Variants in PRKCZ observed in about 807,000 individuals in gnomAD.
The protein encoded by PRKCZ is protein kinase C zeta, also known as protein kinase C zeta type.
PRKCZ carries 33 observed loss-of-function variants against 79.5 expected under a neutral mutation model. The observed-to-expected ratio is 0.41, with a 90% CI of 0.31 to 0.55. The LOEUF (loss-of-function observed/expected upper bound fraction) is 0.55. PRKCZ is among the 20% of genes least tolerant of loss of function. The pLI, the probability that PRKCZ is intolerant of heterozygous loss-of-function variation, is 0.19. For synonymous variants in PRKCZ, 342 were observed against 320.9 expected (o/e 1.07, Z -0.70); for missense variants, 578 against 813.5 (o/e 0.71, Z 3.52).
At position 2,050,588 on chromosome 1, in the gene PRKCZ, A is replaced by G; in HGVS notation, c.-43A>G. The G allele has an allele frequency of 6.8e-6, 8 of 1,180,092 alleles. No individual in the cohort carries two copies. Among genetic ancestry groups the G allele is most frequent in the Non-Finnish European group, 8.5e-6 (8 of 944,950 alleles). The allele number at this position is 1,180,092 out of a possible 1,614,324, so 73.1% of individuals were successfully genotyped here. ...AGCCCCCGCCCCGCGCCATGGCCGG[A>G]GCTCCCGGGGCGCAGCGCTGACGGC... On this transcript the variant is annotated 5_prime_UTR_variant, in exon 1 of 18. Transcript: ENST00000378567.
At chr1:2,133,567 C>T (rs1450323805) in intron 4 of PRKCZ, 1 of 147,912 alleles carries the variant, frequency 6.8e-6, no homozygotes, top group East Asian at 2.0e-4. Context: ...GGCTCCGCCC[C>T]GCACTGTGCG....
At chr1:2,107,127 C>T (rs1016053257) in intron 4 of PRKCZ, among the ~76,000 whole-genome samples, 1 of 152,230 alleles carries the variant, frequency 6.6e-6, no homozygotes, top group Non-Finnish European at 1.5e-5. Context: ...CGTGTTTCCT[C>T]GGGGTTCTGC....
At chr1:2,144,612 G>A in intron 6 of PRKCZ, 1 of 1,290,284 alleles carries the variant, frequency 7.8e-7, no homozygotes, top group Non-Finnish European at 9.9e-7. Flanking sequence ...CTGCTCAGTG[G>A]GTCGGAGGTA....
chr1:2,060,764 A>G (rs1208520202), intron 4 of PRKCZ, among the ~76,000 whole-genome samples: 1 of 152,086 alleles, frequency 6.6e-6, no homozygotes, highest in East Asian at 1.9e-4. Context: ...TGTCCGTGGC[A>G]GGCGGACACC....
intron 4 of PRKCZ, among the ~76,000 whole-genome samples, chr1:2,098,770 C>T (rs992368261): frequency 6.6e-6 from 1 of 152,160 alleles, no homozygotes; most frequent in Non-Finnish European, 1.5e-5. Context: ...CGAGCTCCAC[C>T]TCTCGGGTTC....
intron 3 of PRKCZ, among the ~76,000 whole-genome samples, chr1:2,057,587 C>T (rs1046209116): frequency 2.6e-5 from 4 of 152,132 alleles, no homozygotes; most frequent in East Asian, 1.9e-4. Context: ...AAGACTAGGC[C>T]GGGTGCGGTG....
Position 2,152,435 on chromosome 1 carries a change from G to C in PRKCZ, c.876+1457G>C, listed in dbSNP as rs576180863. Among the ~76,000 whole-genome samples, 341 of 152,286 alleles carry C rather than the reference G, an allele frequency of 2.2e-3. 1 individual carries two copies. Among genetic ancestry groups the C allele is most frequent in the African/African-American group, 7.8e-3 (323 of 41,550 alleles). ...CTAATCCCAGCTACTCAGAGGCTGA[G>C]ACAGGAGAATCGCTTGAACCAGGGA... On this transcript the variant is annotated intron_variant, in intron 9 of 17. Coordinates refer to ENST00000378567, the MANE Select transcript of PRKCZ (RefSeq NM_002744.6).
At chr1:2,102,546 A>T (rs1327668561) in intron 4 of PRKCZ, among the ~76,000 whole-genome samples, 1 of 151,816 alleles carries the variant, frequency 6.6e-6, no homozygotes, top group East Asian at 2.0e-4. Flanking sequence ...GTTAGCCGGG[A>T]TGGTCTCGAT....
Position 2,125,030 on chromosome 1 carries a change from C to G in PRKCZ, c.335-10232C>G, listed in dbSNP as rs1474387931. Among the ~76,000 whole-genome samples the G allele has an allele frequency of 6.6e-6, 1 of 152,228 alleles. No homozygotes were observed. Among genetic ancestry groups the G allele is most frequent in the Non-Finnish European group, 1.5e-5 (1 of 68,038 alleles). On this transcript the variant is annotated intron_variant, in intron 4 of 17. Coordinates refer to ENST00000378567, the MANE Select transcript of PRKCZ (RefSeq NM_002744.6). The surrounding 1 kb of genome is among the most constrained non-coding windows in gnomAD (Gnocchi z 4.2). ...CTCAGCCGCACGTCCTCCCAGGGGCCTTGCCAGCCTGGCTCTGTGCCGGGC... is the reference window on the plus strand; with the variant it reads ...CTCAGCCGCACGTCCTCCCAGGGGCGTTGCCAGCCTGGCTCTGTGCCGGGC...
chr1:2,074,004 G>C, intron 4 of PRKCZ: 3 of 1,421,122 alleles, frequency 2.1e-6, no homozygotes, highest in East Asian at 5.1e-5. Context: ...GGCCCTGTGC[G>C]TGCGGAGGAC....
Position 2,133,227 on chromosome 1 carries a change from C to T in PRKCZ, c.335-2035C>T, listed in dbSNP as rs780435381. ...CTTCGACCCCCAGCTGTGCGTCAGTCCCTCAGCTCCGCCCCCCAGCTGCGC... is the reference window on the plus strand; with the variant it reads ...CTTCGACCCCCAGCTGTGCGTCAGTTCCTCAGCTCCGCCCCCCAGCTGCGC... On this transcript the variant is annotated intron_variant, in intron 4 of 17. Transcript: ENST00000378567. 1.6e-3 allele frequency among the ~76,000 whole-genome samples: 247 copies of T among 152,124 alleles called. 1 individual carries two copies. The highest frequency in any genetic ancestry group is 5.8e-3 in the African/African-American group (240 of 41,426).
chr1:2,070,047 G>A lies in PRKCZ; in HGVS notation c.334+10456G>A, dbSNP rs112638743. ...GGATGGTCAGCTGGACCAGGCCTCC[G>A]AGGTCCTTAGAGTCCATGGAGGAAA... On this transcript the variant is annotated intron_variant, in intron 4 of 17. Coordinates refer to ENST00000378567, the MANE Select transcript of PRKCZ (RefSeq NM_002744.6). Among the ~76,000 whole-genome samples the A allele has an allele frequency of 3.0e-3, 460 of 152,298 alleles. 3 individuals carry two copies. The highest frequency in any genetic ancestry group is 0.011 in the African/African-American group (450 of 41,560).
rs567102580 is a variant in PRKCZ at position 2,085,579 on chromosome 1, G to A, written c.334+25988G>A. Among the ~76,000 whole-genome samples the A allele has an allele frequency of 3.6e-3, 555 of 152,378 alleles. 4 individuals are homozygous for A. Among genetic ancestry groups the A allele is most frequent in the African/African-American group, 0.013 (533 of 41,594 alleles). ...GAGCCCATGCAGCGCCACGCTGGAG[G>A]GGCTGAGGATATGGGGGGCCCTGTT... is the stretch of plus-strand genomic sequence containing the variant. On this transcript the variant is annotated intron_variant, in intron 4 of 17. Coordinates refer to ENST00000378567, the MANE Select transcript of PRKCZ (RefSeq NM_002744.6).
At chr1:2,109,834 C>T (rs1300819366) in intron 4 of PRKCZ, among the ~76,000 whole-genome samples, 2 of 152,026 alleles carry the variant, frequency 1.3e-5, no homozygotes, top group African/African-American at 2.4e-5. Context: ...TGGGAGCCGC[C>T]GGGGAAAGCC....
intron 16 of PRKCZ, among the ~76,000 whole-genome samples, chr1:2,180,416 C>T (rs1213175164): frequency 1.7e-4 from 26 of 151,780 alleles, no homozygotes; most frequent in Admixed American, 1.6e-3. Context: ...GATGCACGGA[C>T]GACGTAGACA....
Position 2,169,505 on chromosome 1 carries a change from T to C in PRKCZ, c.975-13T>C. ...CGAGGTGACTGCAGCCTCCGGCGCC[T>C]CTCTCCCTGCAGGTTGTTCCTGGTC... On this transcript the variant is annotated splice_polypyrimidine_tract_variant and intron_variant, in intron 10 of 17. Transcript: ENST00000378567. 1.2e-5 allele frequency: 18 copies of C among 1,547,784 alleles called. No individual in the cohort carries two copies. The highest frequency in any genetic ancestry group is 1.6e-5 in the Non-Finnish European group (18 of 1,144,742).
At chr1:2,098,612 C>G (rs1479357710) in intron 4 of PRKCZ, 1 of 152,250 alleles carries the variant, frequency 6.6e-6, no homozygotes, top group Admixed American at 6.5e-5. Flanking sequence ...ATTCCAATGG[C>G]CCTCTGGTTC....
chr1:2,169,063 C>T (rs188355662), intron 10 of PRKCZ: 57 of 443,976 alleles, frequency 1.3e-4, no homozygotes, highest in Admixed American at 9.0e-4. Context: ...CGGTGGACTC[C>T]TCAGCCTTGC....
Position 2,165,922 on chromosome 1 carries a change from G to T in PRKCZ, c.975-3596G>T, listed in dbSNP as rs1683231712. Among the ~76,000 whole-genome samples the T allele has an allele frequency of 6.6e-6, 1 of 152,136 alleles. No individual in the cohort carries two copies. Among genetic ancestry groups the T allele is most frequent in the Non-Finnish European group, 1.5e-5 (1 of 68,022 alleles). On this transcript the variant is annotated intron_variant, in intron 10 of 17. Transcript: ENST00000378567. The surrounding 1 kb of genome is among the most constrained non-coding windows in gnomAD (Gnocchi z 4.1). ...CTCAGCCCCCGGCCGCCCCCTAGGA[G>T]GTTTCGTGAGCTTCCAGCATCCCCC... is the stretch of plus-strand genomic sequence containing the variant.
Sources: gnomAD v4.1 joint callset for allele counts (sites outside exome capture counted in the v4.1 genomes callset) on GRCh38, gnomAD v4.1.1 for gene constraint, Gnocchi (gnomAD v3.1) non-coding constraint, MANE v1.5 for transcripts, NCBI Gene and HGNC (gene_info 2026-07-23, HGNC 2026-07-21) for gene names.